MAN1C1: variants seen among roughly 807,000 people sequenced by gnomAD.
The protein encoded by MAN1C1 is mannosidase alpha class 1C member 1, also known as mannosyl-oligosaccharide 1,2-alpha-mannosidase IC.
Under a neutral mutation model 71.5 loss-of-function variants are expected in MAN1C1, and 49 were observed. The ratio of observed to expected loss-of-function variants is 0.69; its 90% CI spans 0.54 to 0.87. The LOEUF is 0.87. Ranked by LOEUF, MAN1C1 falls within the 40% of genes least tolerant of loss-of-function variation. MAN1C1 has a pLI of 0.00. For synonymous variants in MAN1C1, 352 were observed against 343.7 expected, an observed-to-expected ratio of 1.02 and a Z score of -0.27; for missense variants, 743 against 835.0, an observed-to-expected ratio of 0.89 and a Z score of 1.36.
At chr1:25,766,364 A>C (rs545814566) in intron 7 of MAN1C1, among the ~76,000 whole-genome samples, 1 of 151,052 alleles carries the variant, frequency 6.6e-6, no homozygotes, top group African/African-American at 2.4e-5. Flanking sequence ...TTTTTGGTGC[A>C]TACGTATTCT....
intron 1 of MAN1C1, among the ~76,000 whole-genome samples, chr1:25,654,067 A>C (rs1385545273): frequency 1.3e-5 from 2 of 152,156 alleles, no homozygotes; most frequent in Non-Finnish European, 2.9e-5. Context: ...TCCTGGTTGC[A>C]CATTGAGACA....
chr1:25,764,881 C>G lies in MAN1C1; in HGVS notation c.1141+914C>G, dbSNP rs1321273258. On this transcript the variant is annotated intron_variant, in intron 7 of 11. Transcript: ENST00000374332. This position sits in a 1 kb window ranked among gnomAD's most constrained non-coding sequence, Gnocchi z 4.4. ...TGGCCAACATGGCGAAACCCTGTCT[C>G]TACTAAAAATACAAAAAGTAGCTGG... Among the ~76,000 whole-genome samples the G allele has an allele frequency of 2.6e-5, 4 of 152,032 alleles. No homozygotes were observed. The highest frequency in any genetic ancestry group is 9.7e-5 in the African/African-American group (4 of 41,406).
At chr1:25,701,154 G>A (rs558718123) in intron 2 of MAN1C1, among the ~76,000 whole-genome samples, 8 of 152,332 alleles carry the variant, frequency 5.3e-5, no homozygotes, top group South Asian at 2.1e-4. Flanking sequence ...CACCATTGCC[G>A]GGACCAGAGG....
At chr1:25,758,107 C>T (rs1052703184) in intron 5 of MAN1C1, among the ~76,000 whole-genome samples, 1 of 152,168 alleles carries the variant, frequency 6.6e-6, no homozygotes, top group Non-Finnish European at 1.5e-5. Context: ...AGGGAAAGAG[C>T]TAGGCGGGGA....
intron 1 of MAN1C1, among the ~76,000 whole-genome samples, chr1:25,670,737 C>T (rs1216539725): frequency 6.6e-6 from 1 of 152,216 alleles, no homozygotes. Context: ...ACTGGCTCTG[C>T]CACCTGCCAG....
At position 25,771,650 on chromosome 1, in the gene MAN1C1, T is replaced by C; in HGVS notation, c.1142-7T>C. ...AGATAATGTTCTTGTCCTCTTTCCC[T>C]TCACAGACCATGTCTCAGTTGGAGG... On this transcript the variant is annotated splice_region_variant and splice_polypyrimidine_tract_variant and intron_variant, in intron 7 of 11. Transcript: ENST00000374332. The C allele has an allele frequency of 6.2e-7, 1 of 1,606,060 alleles. No individual in the cohort carries two copies. Among genetic ancestry groups the C allele is most frequent in the Non-Finnish European group, 8.5e-7 (1 of 1,172,700 alleles).
chr1:25,746,799 T>A lies in MAN1C1; in HGVS notation c.753+16T>A. On this transcript the variant is annotated intron_variant, in intron 3 of 11. Transcript: ENST00000374332. This position sits in a 1 kb window ranked among gnomAD's most constrained non-coding sequence, Gnocchi z 4.0. ...CCTGAACGTGGTGAGTCAGAGGCCC[T>A]CGGCGGGGGAGGGGGGCGGGGGCCA... 6.5e-6 allele frequency: 2 copies of A among 308,070 alleles called. No homozygotes were observed. The highest frequency in any genetic ancestry group is 3.0e-5 in the South Asian group (1 of 33,192). The allele number at this position is 308,070 out of a possible 1,614,324, so 19.1% of individuals were successfully genotyped here. A position where few individuals can be genotyped will look rare whatever the true frequency, so the allele number is the denominator to read the frequency against.
intron 7 of MAN1C1, among the ~76,000 whole-genome samples, chr1:25,770,181 T>C (rs1261681465): frequency 2.6e-5 from 4 of 152,182 alleles, no homozygotes. Flanking sequence ...GAGGTGCCAC[T>C]TCTCTCTTCC....
intron 1 of MAN1C1, among the ~76,000 whole-genome samples, chr1:25,638,173 G>C (rs112018099): frequency 1.5e-3 from 227 of 151,412 alleles, no homozygotes; most frequent in African/African-American, 5.3e-3. Context: ...TATGTCATCC[G>C]TTATACGCAT....
In MAN1C1 at chr1:25,778,205, G is replaced by T. The variant is rs376885723; in HGVS notation, c.1358G>T (p.Cys453Phe). The T allele has an allele frequency of 6.2e-7, 1 of 1,613,786 alleles. No individual in the cohort carries two copies. Among genetic ancestry groups the T allele is most frequent in the Non-Finnish European group, 8.5e-7 (1 of 1,179,868 alleles). Residue 453 changes from cysteine (C) to phenylalanine (F), a missense_variant, in exon 9 of 12, where the codon TGT (cysteine) becomes TTT (phenylalanine). Cys to Phe is a radical substitution (Grantham distance 205). Transcript: ENST00000374332. This position sits in a 1 kb window ranked among gnomAD's most constrained non-coding sequence, Gnocchi z 5.5. ...GACCACAAGATGGGGCACCTGGCCT[G>T]TTTCTCCGGGGGCATGATCGCCCTT... ...ILDHKMGHLA[C>F]FSGGMIALGA...
In MAN1C1 at chr1:25,617,286, C is replaced by T. The variant is rs868768589; in HGVS notation, c.-512C>T. Among the ~76,000 whole-genome samples the T allele has an allele frequency of 4.7e-4, 71 of 151,928 alleles. No individual in the cohort carries two copies. The highest frequency in any genetic ancestry group is 1.6e-3 in the African/African-American group (68 of 41,506). ...GCTCGGGGCGGCGCTGACACGCCAG[C>T]CCCCCATCGCCTCGGTCCCCTCCGG... On this transcript the variant is annotated 5_prime_UTR_variant, in exon 1 of 12. Coordinates refer to ENST00000374332, the MANE Select transcript of MAN1C1 (RefSeq NM_020379.4). The surrounding 1 kb of genome is among the most constrained non-coding windows in gnomAD (Gnocchi z 5.1).
intron 2 of MAN1C1, among the ~76,000 whole-genome samples, chr1:25,724,474 C>T (rs1167505707): frequency 6.6e-6 from 1 of 152,162 alleles, no homozygotes; most frequent in Non-Finnish European, 1.5e-5. Context: ...TATGTATTCC[C>T]ATGGAGGTGG....
intron 2 of MAN1C1, among the ~76,000 whole-genome samples, chr1:25,742,231 T>G (rs1243379778): frequency 1.3e-5 from 2 of 152,204 alleles, no homozygotes; most frequent in Non-Finnish European, 2.9e-5. Flanking sequence ...CTTGCACCCC[T>G]TCCTACATGG....
At chr1:25,651,898 T>C (rs2045697829) in intron 1 of MAN1C1, among the ~76,000 whole-genome samples, 1 of 152,212 alleles carries the variant, frequency 6.6e-6, no homozygotes, top group Non-Finnish European at 1.5e-5. Context: ...GTTAGCAACA[T>C]GTTCCCACGT....
chr1:25,627,055 A>G (rs1179043284), intron 1 of MAN1C1, among the ~76,000 whole-genome samples: 1 of 152,132 alleles, frequency 6.6e-6, no homozygotes, highest in South Asian at 2.1e-4. Context: ...ATTTTTGTAT[A>G]TAATGTAAGG....
At position 25,745,588 on chromosome 1, in the gene MAN1C1, G is replaced by A. The variant is rs550224720; in HGVS notation, c.638-1080G>A. ...ATGTCTCCCCAGGTAAATAGGCACA[G>A]GTCGACCTCACCTGCGTGGATGACT... On this transcript the variant is annotated intron_variant, in intron 2 of 11. Coordinates refer to ENST00000374332, the MANE Select transcript of MAN1C1 (RefSeq NM_020379.4). Among the ~76,000 whole-genome samples, 19 of 152,286 alleles carry A rather than the reference G, an allele frequency of 1.2e-4. No homozygotes were observed. The South Asian group carries it at 3.9e-3, about 32-fold the overall frequency.
chr1:25,647,781 G>A (rs1207175973), intron 1 of MAN1C1, among the ~76,000 whole-genome samples: 2 of 152,290 alleles, frequency 1.3e-5, no homozygotes, highest in African/African-American at 4.8e-5. Context: ...TTGGGATGAG[G>A]GGTACAGACA....
intron 1 of MAN1C1, among the ~76,000 whole-genome samples, chr1:25,673,797 G>A (rs1295058864): frequency 6.6e-6 from 1 of 152,248 alleles, no homozygotes; most frequent in African/African-American, 2.4e-5. Context: ...GTATGTGGAA[G>A]TGCGGTTTCT....
intron 7 of MAN1C1, among the ~76,000 whole-genome samples, chr1:25,768,067 A>AC (rs1225730407): frequency 3.1e-5 from 1 of 32,050 alleles, no homozygotes; most frequent in Non-Finnish European, 6.1e-5. Flanking sequence ...CCTCACACAC[A>AC]CACACACTCC....
Sources: allele counts gnomAD v4.1 joint callset (sites outside exome capture counted in the v4.1 genomes callset), GRCh38; gene constraint gnomAD v4.1.1; non-coding constraint Gnocchi (gnomAD v3.1); transcripts MANE v1.5; gene names NCBI Gene and HGNC (gene_info 2026-07-23, HGNC 2026-07-21).